Variants in ZNF782 observed in about 807,000 individuals in gnomAD.
The protein encoded by ZNF782 is zinc finger protein 782.
Under a neutral mutation model 13.0 loss-of-function variants are expected in ZNF782, and 12 were observed. The observed-to-expected ratio is 0.92, with a 90% CI of 0.59 to 1.50. The LOEUF is 1.50. Ranked by LOEUF, ZNF782 falls within the 40% of genes most tolerant of loss-of-function variation. The pLI, the probability that ZNF782 is intolerant of heterozygous loss-of-function variation, is 0.00. For missense variants in ZNF782, 770 were observed against 822.9 expected (o/e 0.94, Z 0.79); for synonymous variants, 284 against 283.0 (o/e 1.00, Z -0.04).
At chr9:96,879,837 G>T (rs1851940990), upstream of ZNF782, among the ~76,000 whole-genome samples, 1 of 152,122 alleles carries the variant, frequency 6.6e-6, no homozygotes, top group African/African-American at 2.4e-5. Flanking sequence ...TGCATTCTGT[G>T]ATCTTGCTTA....
rs754321169 is a variant in ZNF782, at chr9:96,819,221, T to C, written c.802A>G (p.Lys268Glu). 6.2e-7 allele frequency: 1 copy of C among 1,611,158 alleles called. No homozygotes were observed. Among genetic ancestry groups the C allele is most frequent in the South Asian group, 1.1e-5 (1 of 90,272 alleles). Residue 268 changes from lysine to glutamate, a missense_variant, in exon 6 of 6, where the codon AAG becomes GAG. Coordinates refer to ENST00000481138, the MANE Select transcript of ZNF782 (RefSeq NM_001001662.3). ...FIIPQNMNPEKSHYEFNDTGN... is the reference protein window; with the variant it reads ...FIIPQNMNPEESHYEFNDTGN... Reference sequence around the variant, plus strand: ...GTATCATTAAACTCATAGTGACTCTTCTCTGGATTCATGTTCTGAGGAATA... The same window carrying C: ...GTATCATTAAACTCATAGTGACTCTCCTCTGGATTCATGTTCTGAGGAATA...
intron 4 of ZNF782, among the ~76,000 whole-genome samples, chr9:96,831,476 G>A (rs768435801): frequency 6.6e-6 from 1 of 152,034 alleles, no homozygotes; most frequent in Non-Finnish European, 1.5e-5. Context: ...TTGGGAGGCC[G>A]AGACGGGCGG....
At chr9:96,932,982 T>TCTTTTC in the ZNF782 span, among the ~76,000 whole-genome samples, 1 of 147,498 alleles carries the variant, frequency 6.8e-6, no homozygotes, top group African/African-American at 2.5e-5. Context: ...TCTTTTCTTT[T>TCTTTTC]TTTTTTTTTT....
intron 4 of ZNF782, among the ~76,000 whole-genome samples, chr9:96,830,418 G>A (rs1419332285): frequency 6.6e-6 from 1 of 152,136 alleles, no homozygotes; most frequent in African/African-American, 2.4e-5. Context: ...CAGTAATGAG[G>A]CACTCCAGAT....
the ZNF782 span, chr9:96,903,229 C>T: frequency 1.3e-5 from 2 of 151,950 alleles, no homozygotes; most frequent in Admixed American, 1.3e-4. Context: ...CCCACTAACT[C>T]CTGGCAACCA....
At chr9:96,879,149 A>G (rs1851931506), upstream of ZNF782, among the ~76,000 whole-genome samples, 1 of 152,240 alleles carries the variant, frequency 6.6e-6, no homozygotes, top group South Asian at 2.1e-4. Flanking sequence ...CAAGGAATAA[A>G]AGAGATAAAA....
At chr9:96,931,251 G>A in the ZNF782 span, among the ~76,000 whole-genome samples, 2 of 151,574 alleles carry the variant, frequency 1.3e-5, no homozygotes, top group African/African-American at 4.8e-5. Context: ...GAGCTTCAGG[G>A]AAAGGAAGAC....
At chr9:96,833,141 T>C (rs1358074380) in intron 4 of ZNF782, among the ~76,000 whole-genome samples, 1 of 152,296 alleles carries the variant, frequency 6.6e-6, no homozygotes, top group East Asian at 1.9e-4. Context: ...TACAGAAAAG[T>C]TGCAAGGATG....
chr9:96,916,135 C>T, the ZNF782 span, among the ~76,000 whole-genome samples: 1 of 151,944 alleles, frequency 6.6e-6, no homozygotes, highest in African/African-American at 2.4e-5. Flanking sequence ...CCTGAACAAC[C>T]AGTGAAACAG....
chr9:96,930,354 T>C, the ZNF782 span, among the ~76,000 whole-genome samples: 1 of 151,872 alleles, frequency 6.6e-6, no homozygotes, highest in Non-Finnish European at 1.5e-5. Flanking sequence ...TGAAACCCCG[T>C]CTCTACTAAA....
At chr9:96,925,467 G>A in the ZNF782 span, among the ~76,000 whole-genome samples, 8 of 152,072 alleles carry the variant, frequency 5.3e-5, no homozygotes, top group Admixed American at 2.6e-4. Context: ...GTGCAATCCC[G>A]TCTCTACCAA....
At chr9:96,878,130 C>T (rs1318796098), upstream of ZNF782, among the ~76,000 whole-genome samples, 2 of 152,210 alleles carry the variant, frequency 1.3e-5, no homozygotes, top group Admixed American at 6.5e-5. Flanking sequence ...CTCACTGCAA[C>T]CTCTGCTTCC....
At chr9:96,886,208 G>GAAAAAAAAA in the ZNF782 span, among the ~76,000 whole-genome samples, 4 of 88,410 alleles carry the variant, frequency 4.5e-5, no homozygotes, top group African/African-American at 3.3e-5. Context: ...TTTAAGTACA[G>GAAAAAAAAA]AAAAAAAAAA....
chr9:96,911,510 G>GGTTTTTTTT, the ZNF782 span, among the ~76,000 whole-genome samples: 2 of 109,694 alleles, frequency 1.8e-5, no homozygotes, highest in Non-Finnish European at 3.8e-5. Flanking sequence ...TTTTTTTTTT[G>GGTTTTTTTT]TTTTTGTTTT....
At chr9:96,890,148 G>A in the ZNF782 span, 713 of 152,406 alleles carry the variant, frequency 4.7e-3, 8 homozygotes, top group African/African-American at 0.016. Context: ...CCTCCAAGGA[G>A]GATACAGGGA....
chr9:96,881,669 T>C, the ZNF782 span, among the ~76,000 whole-genome samples: 178 of 152,248 alleles, frequency 1.2e-3, 1 homozygote, highest in Non-Finnish European at 1.9e-3. Context: ...TGGAAAAGAC[T>C]ATCCTTCCCT....
chr9:96,830,569 A>G (rs1850766657), intron 4 of ZNF782, among the ~76,000 whole-genome samples: 1 of 152,128 alleles, frequency 6.6e-6, no homozygotes, highest in Non-Finnish European at 1.5e-5. Context: ...CCACCTTTTA[A>G]TAATAAGGCA....
intron 1 of ZNF782, among the ~76,000 whole-genome samples, chr9:96,867,648 C>G (rs760771224): frequency 1.8e-4 from 27 of 152,210 alleles, no homozygotes; most frequent in Non-Finnish European, 3.1e-4. Flanking sequence ...GTAATAGTGA[C>G]GACTAGTAAA....
the ZNF782 span, among the ~76,000 whole-genome samples, chr9:96,929,560 CA>C: frequency 6.6e-6 from 1 of 152,032 alleles, no homozygotes; most frequent in African/African-American, 2.4e-5. Flanking sequence ...TCTGGGTGGG[CA>C]AGGCTGGGGG....
Sources: allele counts gnomAD v4.1 joint callset (sites outside exome capture counted in the v4.1 genomes callset), GRCh38; gene constraint gnomAD v4.1.1; transcripts MANE v1.5; gene names NCBI Gene and HGNC (gene_info 2026-07-23, HGNC 2026-07-21).